Variants in CHD9 observed in about 807,000 individuals in gnomAD.
The protein encoded by CHD9 is chromodomain helicase DNA binding protein 9.
A neutral mutation model predicts 316.1 loss-of-function variants in CHD9; 77 were observed. The observed-to-expected ratio is 0.24, with a 90% CI of 0.20 to 0.29. CHD9 has a LOEUF of 0.29. Ranked by LOEUF, CHD9 falls within the 10% of genes least tolerant of loss-of-function variation. CHD9 has a pLI of 1.00. For missense variants in CHD9, 2,763 were observed against 3,438.1 expected, an observed-to-expected ratio of 0.80 and a Z score of 4.91; for synonymous variants, 1,129 against 1,158.3, an observed-to-expected ratio of 0.97 and a Z score of 0.51.
chr16:53,130,000 C>G (rs995505377), intron 1 of CHD9, among the ~76,000 whole-genome samples: 3 of 152,302 alleles, frequency 2.0e-5, no homozygotes, highest in Admixed American at 6.5e-5. Flanking sequence ...TGCTCCTAAA[C>G]CAGTATCACC....
At chr16:53,183,188 A>G (rs975295540) in intron 2 of CHD9, among the ~76,000 whole-genome samples, 4 of 152,216 alleles carry the variant, frequency 2.6e-5, no homozygotes, top group African/African-American at 9.6e-5. Flanking sequence ...TAGTATATAA[A>G]CATCAGAAAC....
intron 26 of CHD9, among the ~76,000 whole-genome samples, chr16:53,287,323 C>T (rs73600069): frequency 0.032 from 4,931 of 152,214 alleles, 100 homozygotes; most frequent in Middle Eastern, 0.071. Context: ...ATATGAAACC[C>T]ACACATAACG....
chr16:53,061,969 C>T (rs1276698633), intron 1 of CHD9, among the ~76,000 whole-genome samples: 1 of 152,192 alleles, frequency 6.6e-6, no homozygotes, highest in African/African-American at 2.4e-5. Flanking sequence ...CACAAAGTCT[C>T]AGAATGGGAA....
chr16:53,175,247 T>G (rs1183586818), intron 2 of CHD9, among the ~76,000 whole-genome samples: 1 of 152,224 alleles, frequency 6.6e-6, no homozygotes, highest in Non-Finnish European at 1.5e-5. Context: ...CTCTCCTTTC[T>G]GGAACTTTGC....
intron 20 of CHD9, among the ~76,000 whole-genome samples, chr16:53,263,990 A>C (rs947623770): frequency 3.3e-5 from 5 of 152,052 alleles, no homozygotes; most frequent in African/African-American, 1.2e-4. Context: ...ATCAGTACTA[A>C]CAGAAATAGA....
Position 53,182,720 on chromosome 16 carries a change from A to G in CHD9, c.1452+25179A>G, listed in dbSNP as rs377362803. Among the ~76,000 whole-genome samples the G allele has an allele frequency of 4.1e-3, 624 of 152,332 alleles. 4 individuals carry two copies. The highest frequency in any genetic ancestry group is 0.014 in the African/African-American group (598 of 41,584). On this transcript the variant is annotated intron_variant, in intron 2 of 38. Transcript: ENST00000447540. Reference sequence around the variant, plus strand: ...TTAAATCTACATAGGAATTTGAGCTAAAAGGAGGAAATCCAGCCTAATTAA... The same window carrying G: ...TTAAATCTACATAGGAATTTGAGCTGAAAGGAGGAAATCCAGCCTAATTAA...
chr16:53,251,984 A>G (rs551154539), intron 17 of CHD9, among the ~76,000 whole-genome samples: 6 of 152,314 alleles, frequency 3.9e-5, no homozygotes, highest in Admixed American at 3.9e-4. Flanking sequence ...GCCAAAAGCA[A>G]TCTACAAATT....
chr16:53,145,335 G>A (rs2040481566), intron 1 of CHD9, among the ~76,000 whole-genome samples: 1 of 151,614 alleles, frequency 6.6e-6, no homozygotes, highest in Non-Finnish European at 1.5e-5. Flanking sequence ...GTTTTTAGTA[G>A]AAATGGGGTT....
At chr16:53,261,907 G>A (rs968990525) in intron 19 of CHD9, among the ~76,000 whole-genome samples, 5 of 152,000 alleles carry the variant, frequency 3.3e-5, no homozygotes, top group Admixed American at 2.6e-4. Flanking sequence ...CAATTCCTTG[G>A]TATTAATTAT....
intron 1 of CHD9, among the ~76,000 whole-genome samples, chr16:53,138,871 G>A (rs565048680): frequency 1.3e-5 from 2 of 152,322 alleles, no homozygotes; most frequent in African/African-American, 4.8e-5. Flanking sequence ...GCATTGAATG[G>A]AAGAATAGAA....
chr16:53,285,154 A>C (rs1016704512), intron 24 of CHD9, among the ~76,000 whole-genome samples: 6 of 152,210 alleles, frequency 3.9e-5, no homozygotes, highest in African/African-American at 1.4e-4. Context: ...ATAGTGGTCT[A>C]GAGGAGCTAT....
At chr16:53,240,102 A>G (rs546150349) in intron 12 of CHD9, among the ~76,000 whole-genome samples, 9 of 152,136 alleles carry the variant, frequency 5.9e-5, no homozygotes, top group Middle Eastern at 3.4e-3. Context: ...TTTTGTGAAG[A>G]TAGGGTCTCA....
At chr16:53,306,753 T>G (rs1423132073) in intron 32 of CHD9, among the ~76,000 whole-genome samples, 2 of 152,070 alleles carry the variant, frequency 1.3e-5, no homozygotes, top group Non-Finnish European at 2.9e-5. Context: ...ACATGTACAT[T>G]CAGTGGAAGA....
chr16:53,073,267 C>T (rs552979055), intron 1 of CHD9, among the ~76,000 whole-genome samples: 8 of 152,310 alleles, frequency 5.3e-5, no homozygotes, highest in South Asian at 4.1e-4. Context: ...TTTTACTTAG[C>T]GTGATGACCT....
chr16:53,099,664 A>G (rs552002206), intron 1 of CHD9, among the ~76,000 whole-genome samples: 16 of 152,174 alleles, frequency 1.1e-4, no homozygotes, highest in African/African-American at 3.9e-4. Context: ...TCCGGGCGGG[A>G]GATTCGGCTC....
chr16:53,240,864 C>T (rs2049028976), intron 12 of CHD9, among the ~76,000 whole-genome samples: 1 of 151,910 alleles, frequency 6.6e-6, no homozygotes, highest in East Asian at 1.9e-4. Flanking sequence ...CCATTTTACC[C>T]ATGAGAAAAC....
At position 53,292,922 on chromosome 16, in the gene CHD9, C is replaced by T; in HGVS notation, c.5380C>T (p.Arg1794Cys). 2.5e-6 allele frequency: 4 copies of T among 1,613,440 alleles called. No individual in the cohort carries two copies. The highest frequency in any genetic ancestry group is 2.2e-5 in the East Asian group (1 of 44,834). The change falls in exon 29 of 39, where the codon CGT becomes TGT. Residue 1794 changes from arginine to cysteine, a missense_variant. Physicochemically the swap from Arg to Cys is radical, Grantham distance 180. Transcript: ENST00000447540. ...RLRRLITAYQ[R>C]TNKNRQIQQI... Reference sequence around the variant, plus strand: ...GAGGCGTCTCATCACTGCATACCAGCGTACTAATAAAAACAGACAAATTCA... The same window carrying T: ...GAGGCGTCTCATCACTGCATACCAGTGTACTAATAAAAACAGACAAATTCA...
chr16:53,239,851 T>C (rs950868677), intron 12 of CHD9, among the ~76,000 whole-genome samples: 6 of 152,090 alleles, frequency 3.9e-5, no homozygotes, highest in African/African-American at 1.4e-4. Flanking sequence ...TATAATCTAA[T>C]TAAGATATCA....
At chr16:53,098,146 T>G (rs950923278) in intron 1 of CHD9, among the ~76,000 whole-genome samples, 3 of 151,402 alleles carry the variant, frequency 2.0e-5, no homozygotes, top group Admixed American at 6.6e-5. Flanking sequence ...ACCAACTGTT[T>G]TTTCAGGTTT....
Sources: allele counts gnomAD v4.1 joint callset (sites outside exome capture counted in the v4.1 genomes callset), GRCh38; gene constraint gnomAD v4.1.1; transcripts MANE v1.5; gene names NCBI Gene and HGNC (gene_info 2026-07-23, HGNC 2026-07-21).